The following FAM13A variants were observed in gnomAD, a reference collection of about 807,000 sequenced individuals.
The protein encoded by FAM13A is family with sequence similarity 13 member A.
Under a neutral mutation model 129.6 loss-of-function variants are expected in FAM13A, and 76 were observed. The ratio of observed to expected loss-of-function variants is 0.59; its 90% CI spans 0.49 to 0.71. FAM13A has a LOEUF of 0.71. FAM13A is among the 30% of genes least tolerant of loss of function. The probability of loss-of-function intolerance (pLI) is 0.00; values close to 1 mark genes in which losing one functional copy is unlikely to be tolerated. For synonymous variants in FAM13A, 443 were observed against 449.9 expected, an observed-to-expected ratio of 0.98 and a Z score of 0.20; for missense variants, 1,108 against 1,249.3, an observed-to-expected ratio of 0.89 and a Z score of 1.70.
chr4:88,800,696 C>CA (rs1185321303), intron 8 of FAM13A, among the ~76,000 whole-genome samples: 5,855 of 54,100 alleles, frequency 0.11, 141 homozygotes, highest in Non-Finnish European at 0.15. Flanking sequence ...GAAACAAAAA[C>CA]AAAAAAAAAA....
chr4:88,812,112 C>A (rs887513418), intron 7 of FAM13A, among the ~76,000 whole-genome samples: 10 of 152,144 alleles, frequency 6.6e-5, no homozygotes, highest in African/African-American at 2.4e-4. Flanking sequence ...AGATATGAGA[C>A]CTTTGAGCTT....
chr4:88,799,036 T>C (rs1726845528), intron 8 of FAM13A, among the ~76,000 whole-genome samples: 1 of 152,242 alleles, frequency 6.6e-6, no homozygotes, highest in African/African-American at 2.4e-5. Context: ...CTTAATATTT[T>C]TATTAACATT....
At chr4:88,779,810 C>G (rs1722511746) in intron 11 of FAM13A, among the ~76,000 whole-genome samples, 1 of 152,146 alleles carries the variant, frequency 6.6e-6, no homozygotes, top group South Asian at 2.1e-4. Context: ...ACTGAAGACA[C>G]TATTCCTGGT....
At chr4:88,872,458 GAAAGCCAATA>G (rs1315181934) in intron 6 of FAM13A, among the ~76,000 whole-genome samples, 1 of 152,138 alleles carries the variant, frequency 6.6e-6, no homozygotes, top group Non-Finnish European at 1.5e-5. Context: ...CAAGCAAATG[GAAAGCCAATA>G]AAAGCAGGGG....
At chr4:88,984,544 G>A (rs1209471956) in intron 4 of FAM13A, among the ~76,000 whole-genome samples, 4 of 152,050 alleles carry the variant, frequency 2.6e-5, no homozygotes. Flanking sequence ...AATATTCAAT[G>A]TCATTAGTAA....
At chr4:88,751,879 T>G (rs1402716053) in intron 14 of FAM13A, among the ~76,000 whole-genome samples, 1 of 152,246 alleles carries the variant, frequency 6.6e-6, no homozygotes, top group African/African-American at 2.4e-5. Context: ...GCTATGATCT[T>G]AAACTCTGGG....
At chr4:88,733,735 A>C (rs948452704) in intron 21 of FAM13A, among the ~76,000 whole-genome samples, 4 of 152,242 alleles carry the variant, frequency 2.6e-5, no homozygotes, top group Admixed American at 1.3e-4. Context: ...AATGGCTGTT[A>C]AGCAGTCTAG....
At chr4:88,890,028 G>C (rs1306364617) in intron 6 of FAM13A, among the ~76,000 whole-genome samples, 1 of 152,190 alleles carries the variant, frequency 6.6e-6, no homozygotes, top group Non-Finnish European at 1.5e-5. Flanking sequence ...AGGGCAACCA[G>C]GATAATTTGG....
chr4:88,737,549 G>A lies in FAM13A; in HGVS notation c.2569C>T (p.Pro857Ser). The change falls in exon 21 of 24, where the codon CCC becomes TCC. Residue 857 changes from proline (P) to serine (S), a missense_variant. Physicochemically the swap from Pro to Ser is moderately conservative, Grantham distance 74. Transcript: ENST00000264344. ...AAAGGGCTTCTCCGCTTGCTGGAGG[G>A]GGAACCCTGTGACAGGTGTTAACAA... ...RANTIPIIGS[P>S]SSKRRSPLLQ... 6.2e-7 allele frequency: 1 copy of A among 1,613,924 alleles called. No individual in the cohort carries two copies. Among genetic ancestry groups the A allele is most frequent in the Non-Finnish European group, 8.5e-7 (1 of 1,179,832 alleles).
chr4:89,052,667 T>C (rs1419117503), intron 1 of FAM13A, among the ~76,000 whole-genome samples: 5 of 152,078 alleles, frequency 3.3e-5, no homozygotes, highest in Admixed American at 2.6e-4. Flanking sequence ...GGCTGATACA[T>C]ATTAATTTCC....
At chr4:88,983,019 T>A (rs893887285) in intron 4 of FAM13A, among the ~76,000 whole-genome samples, 1 of 152,192 alleles carries the variant, frequency 6.6e-6, no homozygotes, top group African/African-American at 2.4e-5. Context: ...ACTAGGGATT[T>A]ATCTGAAAGG....
At position 88,787,766 on chromosome 4, in the gene FAM13A, GT is replaced by G; in HGVS notation, c.1257del (p.His420MetfsTer25). ...RRQSKEQDEV[R>X]HGRDKGLINK... ...ATGCCAACTCACTTGTCTCTCCCAT[GT>G]CGAACTTCATCCTGCTCCTTGGACT... On this transcript the variant is annotated frameshift_variant, in exon 10 of 24. Coordinates refer to ENST00000264344, the MANE Select transcript of FAM13A (RefSeq NM_014883.4). LOFTEE classifies it high-confidence loss of function. The G allele has an allele frequency of 6.2e-7, 1 of 1,613,112 alleles. No individual in the cohort carries two copies. The highest frequency in any genetic ancestry group is 8.5e-7 in the Non-Finnish European group (1 of 1,179,520).
intron 6 of FAM13A, among the ~76,000 whole-genome samples, chr4:88,881,393 A>G (rs924593205): frequency 1.3e-5 from 2 of 152,218 alleles, no homozygotes; most frequent in African/African-American, 4.8e-5. Flanking sequence ...ACAGCAGTTC[A>G]GCTCTCAGAA....
At chr4:88,974,297 G>A (rs1760592972) in intron 4 of FAM13A, among the ~76,000 whole-genome samples, 2 of 152,106 alleles carry the variant, frequency 1.3e-5, no homozygotes, top group South Asian at 4.2e-4. Context: ...CTCTGTATCT[G>A]CCTGTCTGTC....
intron 1 of FAM13A, among the ~76,000 whole-genome samples, chr4:89,032,987 T>G (rs570299597): frequency 2.3e-4 from 35 of 152,320 alleles, no homozygotes; most frequent in African/African-American, 8.4e-4. Flanking sequence ...CTGCAGCTGA[T>G]ATGGTCCTTG....
Position 88,919,531 on chromosome 4 carries a change from G to A in FAM13A, c.760-13069C>T, listed in dbSNP as rs1444297313. 2.6e-5 allele frequency among the ~76,000 whole-genome samples: 4 copies of A among 152,208 alleles called. No individual in the cohort carries two copies. In the East Asian group the frequency reaches 7.7e-4, roughly 29 times the overall value. On this transcript the variant is annotated intron_variant, in intron 5 of 23. Coordinates refer to ENST00000264344, the MANE Select transcript of FAM13A (RefSeq NM_014883.4). ...TTTTAGAAGATACAAGAATGTATGA[G>A]TTGATTCACAACTTTAAGAGAAATG...
intron 9 of FAM13A, 77 bp downstream of exon 9, chr4:88,790,509 T>C: frequency 8.0e-7 from 1 of 1,252,504 alleles, no homozygotes; most frequent in Non-Finnish European, 1.1e-6. Context: ...AGTTGCTTTT[T>C]TTTTCTGTTT....
chr4:88,782,619 G>C (rs1723166445), intron 10 of FAM13A, among the ~76,000 whole-genome samples: 1 of 152,042 alleles, frequency 6.6e-6, no homozygotes, highest in Non-Finnish European at 1.5e-5. Context: ...TATTTTCAAA[G>C]TTATACTATC....
At chr4:88,864,569 C>A (rs550700483) in intron 6 of FAM13A, among the ~76,000 whole-genome samples, 1 of 152,064 alleles carries the variant, frequency 6.6e-6, no homozygotes, top group Non-Finnish European at 1.5e-5. Flanking sequence ...CCACCACACC[C>A]GGCTAATTTT....
Sources: gnomAD v4.1 joint callset for allele counts (sites outside exome capture counted in the v4.1 genomes callset) on GRCh38, gnomAD v4.1.1 for gene constraint, MANE v1.5 for transcripts, NCBI Gene and HGNC (gene_info 2026-07-23, HGNC 2026-07-21) for gene names.